SIAH3: variants seen among roughly 807,000 people sequenced by gnomAD.
The protein encoded by SIAH3 is seven in absentia homolog 3.
In SIAH3, 9 loss-of-function variants were observed where a neutral mutation model predicts 12.6. The ratio of observed to expected loss-of-function variants is 0.72; its 90% CI spans 0.43 to 1.25. The LOEUF is 1.25. Among genes scored for constraint, SIAH3 ranks in the 50% most tolerant of loss-of-function variants. SIAH3 has a pLI of 0.00. For synonymous variants in SIAH3, 154 were observed against 151.1 expected, an observed-to-expected ratio of 1.02 and a Z score of -0.14; for missense variants, 390 against 365.4, an observed-to-expected ratio of 1.07 and a Z score of -0.55.
chr13:45,849,890 C>T (rs1950773482), intron 1 of SIAH3, among the ~76,000 whole-genome samples: 1 of 152,156 alleles, frequency 6.6e-6, no homozygotes, highest in East Asian at 1.9e-4. Flanking sequence ...AGGGAACTAA[C>T]TAATCCAAAG....
At chr13:45,788,384 A>T (rs1435340935) in intron 1 of SIAH3, among the ~76,000 whole-genome samples, 1 of 152,230 alleles carries the variant, frequency 6.6e-6, no homozygotes, top group Non-Finnish European at 1.5e-5. Flanking sequence ...AAACCTAATG[A>T]ACTCTTACAG....
chr13:45,815,553 A>ATG, intron 1 of SIAH3, among the ~76,000 whole-genome samples: 1 of 152,320 alleles, frequency 6.6e-6, no homozygotes, highest in East Asian at 1.9e-4. Flanking sequence ...ATATGTATGT[A>ATG]TGTGTGTATG....
chr13:45,792,793 T>C (rs1441540388), intron 1 of SIAH3, among the ~76,000 whole-genome samples: 2 of 152,256 alleles, frequency 1.3e-5, no homozygotes, highest in African/African-American at 4.8e-5. Context: ...TTGCAAATCT[T>C]AGAGGCAGAC....
intron 1 of SIAH3, among the ~76,000 whole-genome samples, chr13:45,838,680 C>T (rs1950727880): frequency 6.6e-6 from 1 of 152,102 alleles, no homozygotes. Flanking sequence ...CCATTCCAGT[C>T]TCTCCGGCGA....
chr13:45,802,464 T>C (rs1341961085), intron 1 of SIAH3, among the ~76,000 whole-genome samples: 1 of 152,134 alleles, frequency 6.6e-6, no homozygotes, highest in Non-Finnish European at 1.5e-5. Context: ...GTCCTTCTTT[T>C]GGATGTGGGA....
At chr13:45,797,897 T>C (rs1210876479) in intron 1 of SIAH3, among the ~76,000 whole-genome samples, 1 of 152,202 alleles carries the variant, frequency 6.6e-6, no homozygotes, top group Non-Finnish European at 1.5e-5. Flanking sequence ...AACAAGTCCC[T>C]GCAGGGTCCA....
intron 1 of SIAH3, among the ~76,000 whole-genome samples, chr13:45,824,186 T>C (rs1442063998): frequency 6.6e-6 from 1 of 152,220 alleles, no homozygotes; most frequent in Non-Finnish European, 1.5e-5. Flanking sequence ...TGAACTTCAG[T>C]TAAAAAATTA....
intron 1 of SIAH3, among the ~76,000 whole-genome samples, chr13:45,826,437 A>C (rs372830234): frequency 0.078 from 2,219 of 28,602 alleles, 1,059 homozygotes; most frequent in Admixed American, 0.091. Flanking sequence ...GGATGAATGG[A>C]TGCATGGATG....
rs141549468 is a variant in SIAH3 at position 45,788,497 on chromosome 13, G to T, written c.136-4440C>A. On this transcript the variant is annotated intron_variant, in intron 1 of 1. Coordinates refer to ENST00000400405, the MANE Select transcript of SIAH3 (RefSeq NM_198849.3). ...CTTGAATTAACCTTTAGAATAATGCGCAAAATTGGGTTTAGCAATGTTAGG... is the reference window on the plus strand; with the variant it reads ...CTTGAATTAACCTTTAGAATAATGCTCAAAATTGGGTTTAGCAATGTTAGG... Among the ~76,000 whole-genome samples, 20 of 152,276 alleles carry T rather than the reference G, an allele frequency of 1.3e-4. 1 individual carries two copies. In the East Asian group the frequency reaches 3.7e-3, roughly 28 times the overall value.
intron 1 of SIAH3, among the ~76,000 whole-genome samples, chr13:45,824,904 C>A (rs1950668644): frequency 6.6e-6 from 1 of 151,296 alleles, no homozygotes; most frequent in African/African-American, 2.4e-5. Flanking sequence ...AAAACAAAAA[C>A]CAAAAAACCA....
chr13:45,833,065 T>C (rs1004558581), intron 1 of SIAH3, among the ~76,000 whole-genome samples: 5 of 152,168 alleles, frequency 3.3e-5, no homozygotes, highest in African/African-American at 4.8e-5. Context: ...GGAAACTGCA[T>C]AGGAACTGGG....
intron 1 of SIAH3, among the ~76,000 whole-genome samples, chr13:45,835,677 C>T (rs935024145): frequency 3.9e-5 from 6 of 152,200 alleles, no homozygotes; most frequent in African/African-American, 1.4e-4. Flanking sequence ...GAGACCAGCA[C>T]TTAGCATTAC....
Position 45,783,851 on chromosome 13 carries a change from G to A in SIAH3, c.342C>T (p.Cys114=), listed in dbSNP as rs758720653. 4.3e-6 allele frequency: 7 copies of A among 1,614,132 alleles called. No homozygotes were observed. Among genetic ancestry groups the A allele is most frequent in the Non-Finnish European group, 5.1e-6 (6 of 1,180,016 alleles). The change falls in exon 2 of 2, where the codon TGC becomes TGT. Residue 114 remains cysteine (C), a synonymous_variant. Coordinates refer to ENST00000400405, the MANE Select transcript of SIAH3 (RefSeq NM_198849.3). ...CCACCTCCAGGCGGCCTTCCCACTG[G>A]CAGGAGAACAAGGGACACATGCACA... ...PCLCMCPLFS[C]QWEGRLEVVV... is the part of the protein sequence containing the mutation.
chr13:45,790,121 A>G (rs1047604540), intron 1 of SIAH3, among the ~76,000 whole-genome samples: 1 of 152,174 alleles, frequency 6.6e-6, no homozygotes, highest in African/African-American at 2.4e-5. Flanking sequence ...ACTGTATTGG[A>G]ATCTTGCCTC....
At chr13:45,835,779 G>A (rs578179758) in intron 1 of SIAH3, among the ~76,000 whole-genome samples, 2 of 152,276 alleles carry the variant, frequency 1.3e-5, no homozygotes, top group South Asian at 2.1e-4. Flanking sequence ...AGGGATCTGC[G>A]GGGCTTGGGA....
chr13:45,800,071 C>T (rs540828787), intron 1 of SIAH3, among the ~76,000 whole-genome samples: 3 of 152,208 alleles, frequency 2.0e-5, no homozygotes, highest in Admixed American at 6.5e-5. Flanking sequence ...ATTCTCATCA[C>T]AAAATATTTA....
intron 1 of SIAH3, among the ~76,000 whole-genome samples, chr13:45,795,358 T>G (rs1476659527): frequency 1.3e-5 from 2 of 152,168 alleles, no homozygotes; most frequent in African/African-American, 2.4e-5. Context: ...CATGGCACCA[T>G]GTGTGATGCC....
chr13:45,795,275 C>G (rs1343916167), intron 1 of SIAH3, among the ~76,000 whole-genome samples: 2 of 152,140 alleles, frequency 1.3e-5, no homozygotes, highest in Non-Finnish European at 2.9e-5. Flanking sequence ...ACAAAGAAAC[C>G]CAGAGACCCT....
Position 45,811,210 on chromosome 13 carries a change from T to A in SIAH3, c.136-27153A>T, listed in dbSNP as rs138159087. On this transcript the variant is annotated intron_variant, in intron 1 of 1. Coordinates refer to ENST00000400405, the MANE Select transcript of SIAH3 (RefSeq NM_198849.3). ...CTGGGACACAGTAGTTGGTAATGAG[T>A]GCTGGTGGTGGTGATGGTAATGATG... Among the ~76,000 whole-genome samples, 140 of 152,228 alleles carry A rather than the reference T, an allele frequency of 9.2e-4. 3 individuals are homozygous for A. In the East Asian group the frequency reaches 0.023, roughly 25 times the overall value.
Sources: gnomAD v4.1 joint callset for allele counts (sites outside exome capture counted in the v4.1 genomes callset) on GRCh38, gnomAD v4.1.1 for gene constraint, MANE v1.5 for transcripts, NCBI Gene and HGNC (gene_info 2026-07-23, HGNC 2026-07-21) for gene names.